The following PAPOLA variants were observed in gnomAD, a reference collection of about 807,000 sequenced individuals.
The protein encoded by PAPOLA is poly(A) polymerase alpha.
In PAPOLA, 15 loss-of-function variants were observed where a neutral mutation model predicts 100.6. That is an observed-to-expected ratio of 0.15 (90% CI 0.10 to 0.23). The LOEUF is 0.23. Ranked by LOEUF, PAPOLA falls within the 10% of genes least tolerant of loss-of-function variation. The pLI is 1.00. For synonymous variants in PAPOLA, 293 were observed against 300.0 expected (o/e 0.98, Z 0.24); for missense variants, 533 against 884.2 (o/e 0.60, Z 5.04).
At chr14:96,550,807 T>G (rs1900788735) in intron 16 of PAPOLA, among the ~76,000 whole-genome samples, 4 of 152,204 alleles carry the variant, frequency 2.6e-5, no homozygotes, top group African/African-American at 9.6e-5. Context: ...TAATAACAAG[T>G]GTCTAGGAGT....
Position 96,564,991 on chromosome 14 carries a change from C to T in PAPOLA, c.2179C>T (p.Leu727Phe). Residue 727 changes from leucine (L) to phenylalanine (F), a missense_variant, in exon 22 of 22, where the codon CTC becomes TTC. By Grantham distance (22) the Leu-to-Phe change is conservative. Transcript: ENST00000216277. ...TACAGACCTTTCTGATATCCCTGCT[C>T]TCCCTGCAAATCCTATTCCTGTTAT... ...SSTDLSDIPA[L>F]PANPIPVIKN... The T allele has an allele frequency of 6.2e-7, 1 of 1,602,146 alleles. No individual in the cohort carries two copies. Among genetic ancestry groups the T allele is most frequent in the Non-Finnish European group, 8.6e-7 (1 of 1,169,242 alleles).
chr14:96,536,994 A>G lies in PAPOLA; in HGVS notation c.1049A>G (p.Glu350Gly). Residue 350 changes from glutamate (E) to glycine (G), a missense_variant, in exon 12 of 22, where the codon GAA becomes GGA. Coordinates refer to ENST00000216277, the MANE Select transcript of PAPOLA (RefSeq NM_032632.5). ...EFKQGLAITD[E>G]ILLSKAEWSK... ...AATTTAGGTCTTGCTATCACAGATG[A>G]AATTTTGCTGAGTAAGGCAGAGTGG... 1.2e-6 allele frequency: 2 copies of G among 1,602,436 alleles called. No homozygotes were observed. The highest frequency in any genetic ancestry group is 1.7e-6 in the Non-Finnish European group (2 of 1,169,556).
chr14:96,561,904 G>GT (rs543325804), intron 20 of PAPOLA, among the ~76,000 whole-genome samples: 20 of 145,178 alleles, frequency 1.4e-4, no homozygotes, highest in South Asian at 6.7e-4. Context: ...CCTTTTTTTG[G>GT]TTTTTTTTGA....
At chr14:96,557,351 G>T (rs1901428125) in intron 19 of PAPOLA, among the ~76,000 whole-genome samples, 3 of 152,170 alleles carry the variant, frequency 2.0e-5, no homozygotes, top group Admixed American at 2.0e-4. Flanking sequence ...TTTGCAAGCT[G>T]GTATTAACCT....
At position 96,547,779 on chromosome 14, in the gene PAPOLA, A is replaced by G; in HGVS notation, c.1400-18A>G. 6.4e-7 allele frequency: 1 copy of G among 1,573,092 alleles called. No homozygotes were observed. The highest frequency in any genetic ancestry group is 8.6e-7 in the Non-Finnish European group (1 of 1,160,966). On this transcript the variant is annotated intron_variant, in intron 15 of 21. Coordinates refer to ENST00000216277, the MANE Select transcript of PAPOLA (RefSeq NM_032632.5). Reference sequence around the variant, plus strand: ...TTAAAATGTTTCTATTTCTTGTAACAATTTCCTAATTGTATAGTTTATAGG... The same window carrying G: ...TTAAAATGTTTCTATTTCTTGTAACGATTTCCTAATTGTATAGTTTATAGG...
At chr14:96,522,073 G>A (rs1410745868) in intron 3 of PAPOLA, among the ~76,000 whole-genome samples, 3 of 148,556 alleles carry the variant, frequency 2.0e-5, no homozygotes, top group Admixed American at 6.7e-5. Context: ...AAGTGCTTGG[G>A]ATTATAGGCA....
rs571154807 is a variant in PAPOLA at position 96,507,694 on chromosome 14, G to C, written c.8+5094G>C. Among the ~76,000 whole-genome samples the C allele has an allele frequency of 1.1e-4, 17 of 152,254 alleles. No homozygotes were observed. The South Asian group carries it at 3.3e-3, about 30-fold the overall frequency. On this transcript the variant is annotated intron_variant, in intron 1 of 21. Coordinates refer to ENST00000216277, the MANE Select transcript of PAPOLA (RefSeq NM_032632.5). ...TGTAGTGGATATTGGTAAGCATAAT[G>C]CATGTAAGAAAGAGCTCTTTGGAGT...
rs531801340 is a variant in PAPOLA at position 96,502,498 on chromosome 14, C to T, written c.-95C>T. On this transcript the variant is annotated 5_prime_UTR_variant, in exon 1 of 22. Coordinates refer to ENST00000216277, the MANE Select transcript of PAPOLA (RefSeq NM_032632.5). ...GGTTGGACCCAGGGCTGAGGCAGGC[C>T]CCCCCCTCCCTCCCGCCTCAGTGGA... The T allele has an allele frequency of 1.1e-5, 11 of 980,784 alleles. No homozygotes were observed. The African/African-American group carries it at 1.3e-4, about 12-fold the overall frequency. 60.8% of individuals were successfully genotyped at this position (980,784 alleles called of 1,614,324 possible). A position where few individuals can be genotyped will look rare whatever the true frequency, so the allele number is the denominator to read the frequency against.
chr14:96,502,502 C>A lies in PAPOLA; in HGVS notation c.-91C>A, dbSNP rs780588593. 1.1e-5 allele frequency: 11 copies of A among 1,026,446 alleles called. No homozygotes were observed. Among genetic ancestry groups the A allele is most frequent in the East Asian group, 2.7e-5 (1 of 37,282 alleles). The allele number at this position is 1,026,446 out of a possible 1,614,324, so 63.6% of individuals were successfully genotyped here. On this transcript the variant is annotated 5_prime_UTR_variant, in exon 1 of 22. Coordinates refer to ENST00000216277, the MANE Select transcript of PAPOLA (RefSeq NM_032632.5). ...GGACCCAGGGCTGAGGCAGGCCCCC[C>A]CCTCCCTCCCGCCTCAGTGGATCAT...
rs981625938 is a variant in PAPOLA at position 96,533,980 on chromosome 14, T to C, written c.837-511T>C. The C allele has an allele frequency of 7.1e-6, 7 of 985,762 alleles. No individual in the cohort carries two copies. The African/African-American group carries it at 1.0e-4, about 15-fold the overall frequency. The allele number at this position is 985,762 out of a possible 1,614,324, so 61.1% of individuals were successfully genotyped here. A position where few individuals can be genotyped will look rare whatever the true frequency, so the allele number is the denominator to read the frequency against. ...TCATATGGGACCAAAGTAGCTAGTT[T>C]ATGGAACACATATGAAAATGTGGTT... On this transcript the variant is annotated intron_variant, in intron 9 of 21. Transcript: ENST00000216277.
chr14:96,521,600 C>G (rs1897969703), intron 3 of PAPOLA, among the ~76,000 whole-genome samples: 2 of 152,074 alleles, frequency 1.3e-5, no homozygotes, highest in Admixed American at 1.3e-4. Flanking sequence ...AGCAGTCCTC[C>G]TGGCCTCAGC....
intron 8 of PAPOLA, 42 bp from the exon 9 acceptor site, chr14:96,532,469 G>A (rs1246310535): frequency 2.5e-6 from 4 of 1,606,676 alleles, no homozygotes; most frequent in South Asian, 1.1e-5. Context: ...TCAAACTTTT[G>A]TTCAACACTA....
intron 1 of PAPOLA, among the ~76,000 whole-genome samples, chr14:96,507,280 G>GTTTTTTGTTT (rs1413020909): frequency 2.7e-4 from 22 of 80,722 alleles, no homozygotes; most frequent in African/African-American, 1.0e-3. Flanking sequence ...TTGGAAAATA[G>GTTTTTTGTTT]TTTTTTTTTT....
Position 96,565,138 on chromosome 14 carries a change from T to C in PAPOLA, c.*88T>C, listed in dbSNP as rs1361588060. ...AAAAGGAGAATGGAGGGTACAAGAC[T>C]AGACATGACTGAAATGGATTTGGGT... On this transcript the variant is annotated 3_prime_UTR_variant, in exon 22 of 22. Coordinates refer to ENST00000216277, the MANE Select transcript of PAPOLA (RefSeq NM_032632.5). 1 of 756,842 alleles carries C rather than the reference T, an allele frequency of 1.3e-6. No individual in the cohort carries two copies. The highest frequency in any genetic ancestry group is 2.4e-6 in the Non-Finnish European group (1 of 423,222). 46.9% of individuals were successfully genotyped at this position (756,842 alleles called of 1,614,324 possible).
At chr14:96,559,609 A>ATATATATGTATATATATATATGTG (rs1304543891) in intron 19 of PAPOLA, among the ~76,000 whole-genome samples, 4 of 147,620 alleles carry the variant, frequency 2.7e-5, no homozygotes, top group African/African-American at 7.4e-5. Context: ...ACACACACAT[A>ATATATATGTATATATATATATGTG]TATATATGTA....
chr14:96,560,103 G>A (rs1901713238), intron 19 of PAPOLA, among the ~76,000 whole-genome samples: 1 of 152,096 alleles, frequency 6.6e-6, no homozygotes, highest in Non-Finnish European at 1.5e-5. Context: ...TAATTCTGCT[G>A]AGAAAATAGT....
chr14:96,530,409 G>A (rs1218687920), intron 6 of PAPOLA, among the ~76,000 whole-genome samples: 2 of 117,326 alleles, frequency 1.7e-5, no homozygotes, highest in African/African-American at 3.2e-5. Flanking sequence ...TTTTTTTTCT[G>A]AGGCAGGGTC....
intron 1 of PAPOLA, among the ~76,000 whole-genome samples, chr14:96,509,516 C>G (rs1896961759): frequency 6.6e-6 from 1 of 152,168 alleles, no homozygotes; most frequent in African/African-American, 2.4e-5. Context: ...AACCTGAGAT[C>G]TTGTGCATTG....
At chr14:96,548,070 T>A in intron 16 of PAPOLA, 152 bp downstream of exon 16, 1 of 665,512 alleles carries the variant, frequency 1.5e-6, no homozygotes, top group Non-Finnish European at 2.5e-6. Flanking sequence ...TTTCATTATG[T>A]GAAATCTGAC....
Sources: gnomAD v4.1 joint callset for allele counts (sites outside exome capture counted in the v4.1 genomes callset) on GRCh38, gnomAD v4.1.1 for gene constraint, MANE v1.5 for transcripts, NCBI Gene and HGNC (gene_info 2026-07-23, HGNC 2026-07-21) for gene names.